Variants in KCNQ1 observed in about 807,000 individuals in gnomAD.
KCNQ1 encodes the protein potassium voltage-gated channel subfamily Q member 1.
A neutral mutation model predicts 72.4 loss-of-function variants in KCNQ1; 49 were observed. The observed-to-expected ratio is 0.68, with a 90% confidence interval of 0.54 to 0.86. The LOEUF (loss-of-function observed/expected upper bound fraction) is 0.86, where lower values mean the gene tolerates loss of function less well. KCNQ1 is among the 40% of genes least tolerant of loss of function. The probability of loss-of-function intolerance (pLI) is 0.00; values close to 1 mark genes in which losing one functional copy is unlikely to be tolerated. For missense variants in KCNQ1, 790 were observed against 945.1 expected, an observed-to-expected ratio of 0.84 and a Z score of 2.15; for synonymous variants, 450 against 412.6, an observed-to-expected ratio of 1.09 and a Z score of -1.10.
At chr11:2,504,557 G>A (rs1026074229) in intron 1 of KCNQ1, among the ~76,000 whole-genome samples, 2 of 152,164 alleles carry the variant, frequency 1.3e-5, no homozygotes, top group East Asian at 3.9e-4. Context: ...GGAGTTCGAG[G>A]CCTGCCTGGC....
intron 2 of KCNQ1, 67 bp from the exon 3 acceptor site, chr11:2,570,561 G>GT: frequency 6.2e-7 from 1 of 1,600,304 alleles, no homozygotes; most frequent in South Asian, 1.1e-5. Flanking sequence ...GTTCAAACAG[G>GT]TTGCAGGGTC....
At chr11:2,807,404 G>C (rs1252232748) in intron 15 of KCNQ1, among the ~76,000 whole-genome samples, 1 of 152,238 alleles carries the variant, frequency 6.6e-6, no homozygotes, top group Non-Finnish European at 1.5e-5. Context: ...CCTCCATGGA[G>C]AGCGGGACTG....
chr11:2,795,907 C>A (rs1847119169), intron 15 of KCNQ1, among the ~76,000 whole-genome samples: 1 of 152,134 alleles, frequency 6.6e-6, no homozygotes, highest in South Asian at 2.1e-4. Context: ...GTGGCCAACC[C>A]CTTGCACAGG....
rs1846687952 is a variant in KCNQ1, at chr11:2,483,547, C to T, written c.386+38063C>T. 6.6e-6 allele frequency among the ~76,000 whole-genome samples: 1 copy of T among 152,180 alleles called. No individual in the cohort carries two copies. Among genetic ancestry groups the T allele is most frequent in the Non-Finnish European group, 1.5e-5 (1 of 68,024 alleles). Reference sequence around the variant, plus strand: ...CTGCCAGGTCTCCTTTCGTGTCCTGCAGCCTGTGCCAGCTCCTCAGTCTCT... The same window carrying T: ...CTGCCAGGTCTCCTTTCGTGTCCTGTAGCCTGTGCCAGCTCCTCAGTCTCT... On this transcript the variant is annotated intron_variant, in intron 1 of 15. Coordinates refer to ENST00000155840, the MANE Select transcript of KCNQ1 (RefSeq NM_000218.3). The surrounding 1 kb of genome is among the most constrained non-coding windows in gnomAD (Gnocchi z 6.1).
intron 11 of KCNQ1, among the ~76,000 whole-genome samples, chr11:2,709,685 A>G (rs563523700): frequency 6.6e-6 from 1 of 152,062 alleles, no homozygotes; most frequent in South Asian, 2.1e-4. Flanking sequence ...TCTGCTTTCT[A>G]TCTCCACGGG....
At chr11:2,736,720 C>A (rs1380214114) in intron 11 of KCNQ1, among the ~76,000 whole-genome samples, 2 of 152,254 alleles carry the variant, frequency 1.3e-5, no homozygotes, top group Non-Finnish European at 2.9e-5. Context: ...CAAAGGGCGG[C>A]TTCCCATTTC....
At chr11:2,639,026 T>A (rs1362868903) in intron 10 of KCNQ1, 1 of 152,264 alleles carries the variant, frequency 6.6e-6, no homozygotes, top group Non-Finnish European at 1.5e-5. Context: ...AGCTTGTGCA[T>A]TTGTCACGTA....
chr11:2,720,756 T>C lies in KCNQ1; in HGVS notation c.1515-48088T>C, dbSNP rs1262752879. Among the ~76,000 whole-genome samples, 1 of 152,178 alleles carries C rather than the reference T, an allele frequency of 6.6e-6. No homozygotes were observed. The highest frequency in any genetic ancestry group is 1.9e-4 in the East Asian group (1 of 5,196). On this transcript the variant is annotated intron_variant, in intron 11 of 15. Coordinates refer to ENST00000155840, the MANE Select transcript of KCNQ1 (RefSeq NM_000218.3). The surrounding 1 kb of genome is among the most constrained non-coding windows in gnomAD (Gnocchi z 5.1). ...TCCATGCTACCTGTGGGGTTCATAG[T>C]GTGTCCCTCTCAGCCAATGGGAAGT...
At chr11:2,791,848 G>T (rs1445911905) in intron 15 of KCNQ1, among the ~76,000 whole-genome samples, 1 of 152,220 alleles carries the variant, frequency 6.6e-6, no homozygotes, top group Admixed American at 6.5e-5. Flanking sequence ...GCAGGTGGGG[G>T]CTTCCGCCTC....
chr11:2,646,847 C>T, intron 10 of KCNQ1: 1 of 398,612 alleles, frequency 2.5e-6, no homozygotes, highest in Non-Finnish European at 4.4e-6. Context: ...TTTTTTTATC[C>T]TGCAACTTTA....
chr11:2,843,218 G>T (rs1409615868), intron 15 of KCNQ1, among the ~76,000 whole-genome samples: 1 of 152,212 alleles, frequency 6.6e-6, no homozygotes, highest in Admixed American at 6.5e-5. Flanking sequence ...AAACACAATC[G>T]CTCCATGCCC....
chr11:2,753,731 C>G (rs1564882125), intron 11 of KCNQ1, among the ~76,000 whole-genome samples: 2 of 152,234 alleles, frequency 1.3e-5, no homozygotes. Context: ...GTGACTGCTG[C>G]ACATCCTGCC....
At chr11:2,480,774 G>T (rs946911321) in intron 1 of KCNQ1, among the ~76,000 whole-genome samples, 1 of 152,158 alleles carries the variant, frequency 6.6e-6, no homozygotes, top group African/African-American at 2.4e-5. Flanking sequence ...GTTGTTTCCC[G>T]ATTTTGACAA....
intron 15 of KCNQ1, among the ~76,000 whole-genome samples, chr11:2,831,749 C>T (rs1164067388): frequency 2.1e-5 from 3 of 142,552 alleles, no homozygotes; most frequent in African/African-American, 7.7e-5. Context: ...CTGCCTCTCT[C>T]CGTTGCCCCC....
intron 15 of KCNQ1, among the ~76,000 whole-genome samples, chr11:2,778,712 G>A (rs1028542716): frequency 2.0e-5 from 3 of 152,252 alleles, no homozygotes; most frequent in Admixed American, 2.0e-4. Context: ...GAAGCGGGCT[G>A]TTATCTTGCC....
intron 15 of KCNQ1, among the ~76,000 whole-genome samples, chr11:2,841,036 G>A (rs1268883989): frequency 6.6e-6 from 1 of 152,216 alleles, no homozygotes; most frequent in African/African-American, 2.4e-5. Context: ...GCCTAGAGCT[G>A]GGCCTCCAGC....
rs76454684 is a variant in KCNQ1, at chr11:2,567,961, G to C, written c.478-2667G>C. ...GGACATGCCTGGAGAAGGTATTTAA[G>C]TAATTTTAAAAGTGCATCAAAACAA... On this transcript the variant is annotated intron_variant, in intron 2 of 15. Coordinates refer to ENST00000155840, the MANE Select transcript of KCNQ1 (RefSeq NM_000218.3). The surrounding 1 kb of genome is among the most constrained non-coding windows in gnomAD (Gnocchi z 6.6). 8.8e-3 allele frequency among the ~76,000 whole-genome samples: 1,340 copies of C among 152,286 alleles called. 14 individuals carry two copies. Among genetic ancestry groups the C allele is most frequent in the African/African-American group, 0.03 (1,232 of 41,558 alleles).
chr11:2,500,351 C>T (rs1039682011), intron 1 of KCNQ1, among the ~76,000 whole-genome samples: 4 of 152,070 alleles, frequency 2.6e-5, no homozygotes, highest in Non-Finnish European at 5.9e-5. Flanking sequence ...GTTAGAATGG[C>T]GATCATTAAA....
At position 2,527,242 on chromosome 11, in the gene KCNQ1, G is replaced by A. The variant is rs1277755724; in HGVS notation, c.387-686G>A. Among the ~76,000 whole-genome samples the A allele has an allele frequency of 3.3e-5, 5 of 152,244 alleles. No individual in the cohort carries two copies. The East Asian group carries it at 9.7e-4, about 30-fold the overall frequency. The stretch of plus-strand genomic sequence containing the variant: ...GAGGAAGTGAAACTGGAGGAGAGCG[G>A]CCCACAGCCTGCCGCCTGGAGGCTC... On this transcript the variant is annotated intron_variant, in intron 1 of 15. Transcript: ENST00000155840.
Sources: gnomAD v4.1 joint callset for allele counts (sites outside exome capture counted in the v4.1 genomes callset) on GRCh38, gnomAD v4.1.1 for gene constraint, Gnocchi (gnomAD v3.1) non-coding constraint, MANE v1.5 for transcripts, NCBI Gene and HGNC (gene_info 2026-07-23, HGNC 2026-07-21) for gene names.